Variants in SEMA3A observed in about 807,000 individuals in gnomAD.
The protein encoded by SEMA3A is semaphorin 3A.
A neutral mutation model predicts 97.9 loss-of-function variants in SEMA3A; 29 were observed. That is an observed-to-expected ratio of 0.30 (90% CI 0.22 to 0.40). SEMA3A has a LOEUF of 0.40. SEMA3A is among the 10% of genes least tolerant of loss of function. The pLI, the probability that SEMA3A is intolerant of heterozygous loss-of-function variation, is 1.00. For missense variants in SEMA3A, 763 were observed against 951.3 expected (o/e 0.80, Z 2.60); for synonymous variants, 321 against 323.7 (o/e 0.99, Z 0.09).
At chr7:84,222,663 C>A (rs1798905760) in intron 3 of SEMA3A, among the ~76,000 whole-genome samples, 1 of 151,746 alleles carries the variant, frequency 6.6e-6, no homozygotes, top group Admixed American at 6.6e-5. Context: ...TTTATATAAA[C>A]AACAATTATT....
intron 6 of SEMA3A, among the ~76,000 whole-genome samples, chr7:84,018,253 T>C (rs944687087): frequency 1.3e-5 from 2 of 152,158 alleles, no homozygotes; most frequent in Non-Finnish European, 2.9e-5. Flanking sequence ...GGAAGAATGA[T>C]CTTTTCTCAT....
intron 1 of SEMA3A, among the ~76,000 whole-genome samples, chr7:84,158,059 G>A (rs565276141): frequency 1.3e-4 from 20 of 150,610 alleles, no homozygotes; most frequent in African/African-American, 4.1e-4. Context: ...TTTAGCTGAT[G>A]CTATAACTTG....
rs1355237480 is a variant in SEMA3A, at chr7:84,424,823, A to G, written c.-245-52923T>C. Among the ~76,000 whole-genome samples, 7 of 101,018 alleles carry G rather than the reference A, an allele frequency of 6.9e-5. No homozygotes were observed. In the East Asian group the frequency reaches 2.3e-3, roughly 33 times the overall value. The allele number at this position is 101,018 out of a possible 152,430, so 66.3% of individuals were successfully genotyped here. A position where few individuals can be genotyped will look rare whatever the true frequency, so the allele number is the denominator to read the frequency against. On this transcript the variant is annotated intron_variant, in intron 1 of 3. Transcript: ENST00000424555. Reference sequence around the variant, plus strand: ...TTATACAAATATACATATATAATATAATGATATCTAAATATATATTTATAT... The same window carrying G: ...TTATACAAATATACATATATAATATGATGATATCTAAATATATATTTATAT...
intron 3 of SEMA3A, among the ~76,000 whole-genome samples, chr7:84,268,943 A>G (rs896845715): frequency 2.0e-5 from 3 of 152,180 alleles, no homozygotes; most frequent in Admixed American, 2.0e-4. Context: ...GCAATTTCAC[A>G]GTGACTCCTC....
rs1410508251 is a variant in SEMA3A, at chr7:84,067,888, G to A, written c.454-7330C>T. 4.7e-5 allele frequency among the ~76,000 whole-genome samples: 7 copies of A among 147,982 alleles called. No homozygotes were observed. In the East Asian group the frequency reaches 9.9e-4, roughly 21 times the overall value. ...GGCTATTCCTCAGGGATCTAGAACTGGAAATACCATTTGACCCAGCCATCC... is the reference window on the plus strand; with the variant it reads ...GGCTATTCCTCAGGGATCTAGAACTAGAAATACCATTTGACCCAGCCATCC... On this transcript the variant is annotated intron_variant, in intron 4 of 16. Coordinates refer to ENST00000265362, the MANE Select transcript of SEMA3A (RefSeq NM_006080.3).
chr7:84,030,395 C>G (rs149560905), intron 6 of SEMA3A, among the ~76,000 whole-genome samples: 1 of 152,234 alleles, frequency 6.6e-6, no homozygotes, highest in East Asian at 1.9e-4. Context: ...TATGCTTACT[C>G]TGCTTTATGA....
rs144202952 is a variant in SEMA3A at position 84,255,405 on chromosome 7, C to T, written c.-83+51802G>A. Among the ~76,000 whole-genome samples the T allele has an allele frequency of 1.2e-3, 181 of 152,240 alleles. 2 individuals carry two copies. Among genetic ancestry groups the T allele is most frequent in the African/African-American group, 4.3e-3 (180 of 41,564 alleles). ...GACTATCTCCCCCAAAGGCAACACT[C>T]TTTCATAGCCAGACTTCTTTCAAAC... On this transcript the variant is annotated intron_variant, in intron 3 of 3. Coordinates refer to the SEMA3A transcript ENST00000424555.
intron 1 of SEMA3A, among the ~76,000 whole-genome samples, chr7:84,160,155 G>T (rs1005964510): frequency 1.3e-5 from 2 of 151,864 alleles, no homozygotes; most frequent in African/African-American, 2.4e-5. Context: ...TGACAGAATT[G>T]CACCAAATAT....
chr7:84,276,989 T>C lies in SEMA3A; in HGVS notation c.-83+30218A>G, dbSNP rs189257128. 5.3e-5 allele frequency among the ~76,000 whole-genome samples: 8 copies of C among 152,218 alleles called. No homozygotes were observed. In the East Asian group the frequency reaches 1.5e-3, roughly 29 times the overall value. On this transcript the variant is annotated intron_variant, in intron 3 of 3. Coordinates refer to the SEMA3A transcript ENST00000424555. The stretch of plus-strand genomic sequence containing the variant: ...TGTGGGTAAAGCATTAGGCCACTTA[T>C]GAATTCCAAGTCAAATTTATGGCTT...
intron 2 of SEMA3A, among the ~76,000 whole-genome samples, chr7:84,313,720 A>G (rs753415911): frequency 1.3e-4 from 20 of 151,852 alleles, no homozygotes; most frequent in Admixed American, 3.3e-4. Flanking sequence ...TCCAATTTTG[A>G]AAGTAAAACA....
chr7:84,090,883 A>G (rs1371667431), intron 4 of SEMA3A, among the ~76,000 whole-genome samples: 8 of 151,496 alleles, frequency 5.3e-5, no homozygotes, highest in Non-Finnish European at 4.4e-5. Context: ...CCTAGCCAAC[A>G]TGGTGAAATT....
rs573225926 is a variant in SEMA3A, at chr7:84,011,837, A to T, written c.811-540T>A. ...TTAATTATTACACATTATATTCAAA[A>T]ATCAACATTGTTTTGTACTCATAAA... On this transcript the variant is annotated intron_variant, in intron 7 of 16. Transcript: ENST00000265362. Among the ~76,000 whole-genome samples, 137 of 152,300 alleles carry T rather than the reference A, an allele frequency of 9.0e-4. 1 individual carries two copies. Among genetic ancestry groups the T allele is most frequent in the South Asian group, 8.9e-3 (43 of 4,828 alleles).
intron 3 of SEMA3A, among the ~76,000 whole-genome samples, chr7:84,216,256 G>A (rs1323615966): frequency 3.3e-5 from 5 of 152,072 alleles, no homozygotes; most frequent in Admixed American, 6.5e-5. Flanking sequence ...ACAGGCGCTC[G>A]CCACCACACC....
chr7:84,091,593 A>C (rs1259147220), intron 4 of SEMA3A, among the ~76,000 whole-genome samples: 1 of 152,158 alleles, frequency 6.6e-6, no homozygotes, highest in African/African-American at 2.4e-5. Flanking sequence ...TCTACATTTG[A>C]TCACAGTATT....
chr7:84,379,148 C>T (rs954999962), intron 1 of SEMA3A, among the ~76,000 whole-genome samples: 2 of 152,018 alleles, frequency 1.3e-5, no homozygotes, highest in African/African-American at 4.8e-5. Context: ...AGGATAGTCT[C>T]GATCTCCTGA....
chr7:84,192,202 G>C (rs1798066282), intron 1 of SEMA3A, among the ~76,000 whole-genome samples: 1 of 151,890 alleles, frequency 6.6e-6, no homozygotes, highest in South Asian at 2.1e-4. Context: ...ATCTAATTAA[G>C]GAGAAACAAG....
At position 84,399,596 on chromosome 7, in the gene SEMA3A, G is replaced by T. The variant is rs1409778825; in HGVS notation, c.-245-27696C>A. Among the ~76,000 whole-genome samples the T allele has an allele frequency of 2.0e-5, 3 of 152,138 alleles. No homozygotes were observed. The East Asian group carries it at 5.8e-4, about 29-fold the overall frequency. ...ATCAGCCCAACCACGTTAAAATAAA[G>T]CACCAGGGAGAATCCCAAAGCCCCT... On this transcript the variant is annotated intron_variant, in intron 1 of 3. Transcript: ENST00000424555.
At chr7:84,405,374 T>A (rs1037142470) in intron 1 of SEMA3A, among the ~76,000 whole-genome samples, 7 of 151,996 alleles carry the variant, frequency 4.6e-5, no homozygotes, top group Admixed American at 1.3e-4. Flanking sequence ...ACCCAATACA[T>A]TAACACCCAG....
At chr7:84,190,958 T>TACAC (rs1491284317) in intron 1 of SEMA3A, among the ~76,000 whole-genome samples, 1 of 81,254 alleles carries the variant, frequency 1.2e-5, no homozygotes, top group African/African-American at 7.6e-5. Flanking sequence ...AATGTATTGG[T>TACAC]ATATACACAC....
Sources: gnomAD v4.1 joint callset for allele counts (sites outside exome capture counted in the v4.1 genomes callset) on GRCh38, gnomAD v4.1.1 for gene constraint, MANE v1.5 for transcripts, NCBI Gene and HGNC (gene_info 2026-07-23, HGNC 2026-07-21) for gene names.